Variants in MAP1A observed in about 807,000 individuals in gnomAD.
MAP1A encodes microtubule associated protein 1A.
Under a neutral mutation model 185.9 loss-of-function variants are expected in MAP1A, and 42 were observed. The observed-to-expected ratio is 0.23, with a 90% CI of 0.18 to 0.29. The LOEUF (loss-of-function observed/expected upper bound fraction) is 0.29. MAP1A is among the 10% of genes least tolerant of loss of function. The probability of loss-of-function intolerance (pLI) is 1.00; values close to 1 mark genes in which losing one functional copy is unlikely to be tolerated. For missense variants in MAP1A, 2,995 were observed against 3,450.4 expected, an observed-to-expected ratio of 0.87 and a Z score of 3.31; for synonymous variants, 1,229 against 1,335.9, an observed-to-expected ratio of 0.92 and a Z score of 1.74.
rs2079319694 is a variant in MAP1A at position 43,521,662 on chromosome 15, T to C, written c.189T>C (p.Asp63=). ...FAVNGFNILV[D]GGSDRKSCFW... is the part of the protein sequence containing the mutation. ...TCAATGGTTTCAACATCCTGGTGGA[T>C]GGTGGCTCTGATCGCAAGTCCTGTT... Residue 63 remains aspartate (D), a synonymous_variant, in exon 4 of 6, where the codon GAT becomes GAC. Coordinates refer to ENST00000300231, the MANE Select transcript of MAP1A (RefSeq NM_002373.6). This position sits in a 1 kb window ranked among gnomAD's most constrained non-coding sequence, Gnocchi z 4.6. 1.9e-6 allele frequency: 3 copies of C among 1,614,020 alleles called. No homozygotes were observed. Among genetic ancestry groups the C allele is most frequent in the African/African-American group, 1.3e-5 (1 of 74,930 alleles).
chr15:43,525,254 G>C lies in MAP1A; in HGVS notation c.3781G>C (p.Ala1261Pro), dbSNP rs778293924. ...APMSVPEPHA[A>P]TASPPTDGTT... The stretch of plus-strand genomic sequence containing the variant: ...CATGTCTGTTCCAGAGCCCCATGCA[G>C]CCACAGCGTCACCTCCCACAGATGG... The change falls in exon 4 of 6, where the codon GCC becomes CCC. Residue 1261 changes from alanine (A) to proline (P), a missense_variant. Coordinates refer to ENST00000300231, the MANE Select transcript of MAP1A (RefSeq NM_002373.6). The C allele has an allele frequency of 6.2e-7, 1 of 1,614,158 alleles. No homozygotes were observed. The highest frequency in any genetic ancestry group is 1.7e-5 in the Admixed American group (1 of 60,014).
upstream of MAP1A, among the ~76,000 whole-genome samples, chr15:43,514,330 C>T (rs2079291256): frequency 6.6e-6 from 1 of 152,228 alleles, no homozygotes; most frequent in African/African-American, 2.4e-5. Context: ...CACAGCCCCA[C>T]CCCTGCTGGC....
chr15:43,517,226 C>T (rs1375277370), upstream of MAP1A, among the ~76,000 whole-genome samples: 2 of 152,138 alleles, frequency 1.3e-5, no homozygotes, highest in Admixed American at 1.3e-4. Flanking sequence ...CTGAAGGTCA[C>T]TCCCTGGATC....
Position 43,530,942 on chromosome 15 carries a change from A to G in MAP1A, c.*718A>G, listed in dbSNP as rs1374883364. The G allele has an allele frequency of 6.5e-6, 1 of 152,718 alleles. No individual in the cohort carries two copies. The allele number at this position is 152,718 out of a possible 1,614,324, so 9.5% of individuals were successfully genotyped here. On this transcript the variant is annotated 3_prime_UTR_variant, in exon 6 of 6. Coordinates refer to ENST00000300231, the MANE Select transcript of MAP1A (RefSeq NM_002373.6). ...CCAGACAGCACAAAACGGCAAGGAG[A>G]GCCCAAGCCCCAATGCCAGAATTCT...
rs1476191877 is a variant in MAP1A at position 43,517,709 on chromosome 15, C to G, written c.-375+9C>G. Reference sequence around the variant, plus strand: ...TCCTCCTACACCCCAGGGTAAGAACCGAACCAAAGGGCTTGGCATGTGGGG... The same window carrying G: ...TCCTCCTACACCCCAGGGTAAGAACGGAACCAAAGGGCTTGGCATGTGGGG... On this transcript the variant is annotated intron_variant, in intron 1 of 5. Transcript: ENST00000300231. The G allele has an allele frequency of 5.8e-5, 56 of 973,186 alleles. No homozygotes were observed. The highest frequency in any genetic ancestry group is 6.3e-5 in the Non-Finnish European group (52 of 819,058). 60.3% of individuals were successfully genotyped at this position (973,186 alleles called of 1,614,324 possible). A position where few individuals can be genotyped will look rare whatever the true frequency, so the allele number is the denominator to read the frequency against.
chr15:43,522,720 AAGAC>A lies in MAP1A; in HGVS notation c.1249_1252del (p.Asp417ArgfsTer47), dbSNP rs747588869. 1 of 1,593,466 alleles carries A rather than the reference AAGAC, an allele frequency of 6.3e-7. No individual in the cohort carries two copies. Among genetic ancestry groups the A allele is most frequent in the Non-Finnish European group, 8.6e-7 (1 of 1,168,522 alleles). On this transcript the variant is annotated frameshift_variant, in exon 4 of 6. Coordinates refer to ENST00000300231, the MANE Select transcript of MAP1A (RefSeq NM_002373.6). LOFTEE classifies it high-confidence loss of function. This position sits in a 1 kb window ranked among gnomAD's most constrained non-coding sequence, Gnocchi z 5.9. Reference sequence around the variant, plus strand: ...AAGATATCAAAGCTGGAAGAAAAAAAAGACAAGGAGAAAAAAGAGATCAAAAAGG... The same window carrying A: ...AAGATATCAAAGCTGGAAGAAAAAAAAAGGAGAAAAAAGAGATCAAAAAGG...
chr15:43,526,857 T>C lies in MAP1A; in HGVS notation c.5384T>C (p.Ile1795Thr). The change falls in exon 4 of 6, where the codon ATC becomes ACC. Residue 1795 changes from isoleucine to threonine, a missense_variant. Ile to Thr is a moderately conservative substitution (Grantham distance 89). Around this residue, in one of 3 missense-constraint regions of MAP1A, gnomAD observed 2,728 missense variants for 2,986.0 expected, o/e 0.91. Coordinates refer to ENST00000300231, the MANE Select transcript of MAP1A (RefSeq NM_002373.6). The surrounding 1 kb of genome is among the most constrained non-coding windows in gnomAD (Gnocchi z 4.7). Reference sequence around the variant, plus strand: ...AAACTGACCCGCTCTCCCTTTGAGATCATCTCCCCTCCAGCTTCCCCACCT... The same window carrying C: ...AAACTGACCCGCTCTCCCTTTGAGACCATCTCCCCTCCAGCTTCCCCACCT... Reference protein sequence around the residue: ...EDKLTRSPFEIISPPASPPEM... With the variant: ...EDKLTRSPFETISPPASPPEM... 6.2e-7 allele frequency: 1 copy of C among 1,614,054 alleles called. No individual in the cohort carries two copies. Among genetic ancestry groups the C allele is most frequent in the South Asian group, 1.1e-5 (1 of 91,076 alleles).
chr15:43,524,397 C>G lies in MAP1A; in HGVS notation c.2924C>G (p.Pro975Arg). The change falls in exon 4 of 6, where the codon CCA becomes CGA. Residue 975 changes from proline (P) to arginine (R), a missense_variant. By Grantham distance (103) the Pro-to-Arg change is moderately radical (BLOSUM62 -2). Around this residue, in one of 3 missense-constraint regions of MAP1A, gnomAD observed 2,728 missense variants for 2,986.0 expected, o/e 0.91. Coordinates refer to ENST00000300231, the MANE Select transcript of MAP1A (RefSeq NM_002373.6). ...GGGCATGCCCTACATCCAGGAGAAC[C>G]AGCCCTTGGAGAAGCAGAGGAGCGG... ...APGHALHPGEPALGEAEERCL... is the reference protein window; with the variant it reads ...APGHALHPGERALGEAEERCL... 1 of 1,614,182 alleles carries G rather than the reference C, an allele frequency of 6.2e-7. No individual in the cohort carries two copies. The highest frequency in any genetic ancestry group is 8.5e-7 in the Non-Finnish European group (1 of 1,180,024).
Position 43,525,202 on chromosome 15 carries a change from C to T in MAP1A, c.3729C>T (p.Ala1243=), listed in dbSNP as rs373314593. ...GKEEMGHLMQ[A]EDTSHHTAPM... ...AAGAAATGGGGCATCTGATGCAGGCCGAGGATACCTCTCACCACACAGCTC... is the reference window on the plus strand; with the variant it reads ...AAGAAATGGGGCATCTGATGCAGGCTGAGGATACCTCTCACCACACAGCTC... Residue 1243 remains alanine (A), a synonymous_variant, in exon 4 of 6, where the codon GCC becomes GCT. Transcript: ENST00000300231. The T allele has an allele frequency of 1.1e-5, 17 of 1,613,976 alleles. No homozygotes were observed. The African/African-American group carries it at 1.2e-4, about 11-fold the overall frequency.
In MAP1A at chr15:43,525,409, T is replaced by C; in HGVS notation, c.3936T>C (p.Pro1312=). The C allele has an allele frequency of 6.2e-7, 1 of 1,614,174 alleles. No homozygotes were observed. The highest frequency in any genetic ancestry group is 8.5e-7 in the Non-Finnish European group (1 of 1,180,048). ...GKYLPGAITS[P]DEHILTPDSS... ...ACTTACCTGGGGCGATCACAAGCCC[T>C]GATGAACACATTCTGACACCTGATA... The change falls in exon 4 of 6, where the codon CCT becomes CCC. Residue 1312 remains proline (P), a synonymous_variant. Coordinates refer to ENST00000300231, the MANE Select transcript of MAP1A (RefSeq NM_002373.6).
chr15:43,528,030 C>G lies in MAP1A; in HGVS notation c.6557C>G (p.Pro2186Arg). 7 of 1,614,032 alleles carry G rather than the reference C, an allele frequency of 4.3e-6. No homozygotes were observed. Among genetic ancestry groups the G allele is most frequent in the Non-Finnish European group, 5.9e-6 (7 of 1,180,024 alleles). The change falls in exon 4 of 6, where the codon CCC becomes CGC. Residue 2186 changes from proline to arginine, a missense_variant. Coordinates refer to ENST00000300231, the MANE Select transcript of MAP1A (RefSeq NM_002373.6). ...CCACAGCTGCCCTCTCCAGCTGAACCCCGCTCGGCACCCTGTGGCTCCCTT... is the reference window on the plus strand; with the variant it reads ...CCACAGCTGCCCTCTCCAGCTGAACGCCGCTCGGCACCCTGTGGCTCCCTT... ...APPQLPSPAE[P>R]RSAPCGSLAF... is the part of the protein sequence containing the mutation.
At position 43,520,997 on chromosome 15, in the gene MAP1A, C is replaced by T; in HGVS notation, c.-266C>T. 4 of 1,550,160 alleles carry T rather than the reference C, an allele frequency of 2.6e-6. No individual in the cohort carries two copies. The highest frequency in any genetic ancestry group is 3.5e-6 in the Non-Finnish European group (4 of 1,146,670). ...GTTCATCATCTTCTTAGCAGCTCAT[C>T]AGCTTATAAACTACTAATCTTGAGT... is the stretch of plus-strand genomic sequence containing the variant. On this transcript the variant is annotated 5_prime_UTR_variant, in exon 3 of 6. Transcript: ENST00000300231.
chr15:43,517,641 A>C lies in MAP1A; in HGVS notation c.-434A>C. ...CCTAAGTGCTGCAGACTCTTCCCTG[A>C]AGCTGCCGGCTGAGGCCGGAGCTGC... is the stretch of plus-strand genomic sequence containing the variant. On this transcript the variant is annotated 5_prime_UTR_variant, in exon 1 of 6. Coordinates refer to ENST00000300231, the MANE Select transcript of MAP1A (RefSeq NM_002373.6). 2 of 959,834 alleles carry C rather than the reference A, an allele frequency of 2.1e-6. No homozygotes were observed. Among genetic ancestry groups the C allele is most frequent in the Non-Finnish European group, 2.4e-6 (2 of 824,782 alleles). The allele number at this position is 959,834 out of a possible 1,614,324, so 59.5% of individuals were successfully genotyped here.
In MAP1A at chr15:43,522,394, C is replaced by T. The variant is rs780417652; in HGVS notation, c.921C>T (p.Asn307=). ...KDLASGAVPT[N]LKPSKIKQRA... ...TGGCTTCTGGGGCTGTGCCTACCAACCTCAAGCCCAGCAAAATCAAACAGC... is the reference window on the plus strand; with the variant it reads ...TGGCTTCTGGGGCTGTGCCTACCAATCTCAAGCCCAGCAAAATCAAACAGC... Residue 307 remains asparagine, a synonymous_variant, in exon 4 of 6, where the codon AAC becomes AAT. Coordinates refer to ENST00000300231, the MANE Select transcript of MAP1A (RefSeq NM_002373.6). This position sits in a 1 kb window ranked among gnomAD's most constrained non-coding sequence, Gnocchi z 5.9. The T allele has an allele frequency of 1.9e-6, 3 of 1,614,054 alleles. No homozygotes were observed. The highest frequency in any genetic ancestry group is 1.3e-5 in the African/African-American group (1 of 74,920).
chr15:43,527,655 C>T lies in MAP1A; in HGVS notation c.6182C>T (p.Ala2061Val), dbSNP rs200729924. 309 of 1,613,692 alleles carry T rather than the reference C, an allele frequency of 1.9e-4. 1 individual carries two copies. The highest frequency in any genetic ancestry group is 1.3e-3 in the Middle Eastern group (8 of 6,060). The change falls in exon 4 of 6, where the codon GCA becomes GTA. Residue 2061 changes from alanine to valine, a missense_variant. Ala to Val is a moderately conservative substitution (Grantham distance 64). This residue lies in a region of MAP1A where 2,728 missense variants were observed against 2,986.0 expected (regional missense o/e 0.91). Transcript: ENST00000300231. The part of the protein sequence containing the change: ...PSMEPSLTPP[A>V]VPPRAPILSK... ...ATGGAGCCCAGCCTCACCCCACCTGCAGTTCCCCCCCGTGCTCCTATCCTG... is the reference window on the plus strand; with the variant it reads ...ATGGAGCCCAGCCTCACCCCACCTGTAGTTCCCCCCCGTGCTCCTATCCTG...
rs1296461294 is a variant in MAP1A, at chr15:43,526,825, A to G, written c.5352A>G (p.Glu1784=). The change falls in exon 4 of 6, where the codon GAA becomes GAG. Residue 1784 remains glutamate, a synonymous_variant. Coordinates refer to ENST00000300231, the MANE Select transcript of MAP1A (RefSeq NM_002373.6). This position sits in a 1 kb window ranked among gnomAD's most constrained non-coding sequence, Gnocchi z 4.7. ...AESPVGLPPE[E]EDKLTRSPFE... ...CACCAGTTGGGTTGCCACCAGAGGA[A>G]GAGGACAAACTGACCCGCTCTCCCT... 1 of 1,614,102 alleles carries G rather than the reference A, an allele frequency of 6.2e-7. No individual in the cohort carries two copies. The highest frequency in any genetic ancestry group is 1.7e-5 in the Admixed American group (1 of 60,022).
chr15:43,528,710 G>A lies in MAP1A; in HGVS notation c.7237G>A (p.Val2413Met), dbSNP rs774065880. 16 of 1,613,684 alleles carry A rather than the reference G, an allele frequency of 9.9e-6. No individual in the cohort carries two copies. Among genetic ancestry groups the A allele is most frequent in the Non-Finnish European group, 9.3e-6 (11 of 1,179,962 alleles). Residue 2413 changes from valine to methionine, a missense_variant, in exon 4 of 6, where the codon GTG becomes ATG. Physicochemically the swap from Val to Met is conservative, Grantham distance 21. This residue lies in a region of MAP1A where 2,728 missense variants were observed against 2,986.0 expected (regional missense o/e 0.91). Transcript: ENST00000300231. Reference sequence around the variant, plus strand: ...CACATTGCTCTCCCCTGAGCAGCCAGTGTGTCCTGCAGGGGGCTCCGGGGG... The same window carrying A: ...CACATTGCTCTCCCCTGAGCAGCCAATGTGTCCTGCAGGGGGCTCCGGGGG... ...PDTLLSPEQP[V>M]CPAGGSGGPP... is the part of the protein sequence containing the mutation.
In MAP1A at chr15:43,527,447, G is replaced by A. The variant is rs748380105; in HGVS notation, c.5974G>A (p.Ala1992Thr). The A allele has an allele frequency of 9.9e-6, 16 of 1,614,064 alleles. No homozygotes were observed. In the South Asian group the frequency reaches 1.6e-4, roughly 17 times the overall value. Residue 1992 changes from alanine (A) to threonine (T), a missense_variant, in exon 4 of 6, where the codon GCA (alanine) becomes ACA (threonine). This residue lies in a region of MAP1A where 2,728 missense variants were observed against 2,986.0 expected (regional missense o/e 0.91). Transcript: ENST00000300231. ...CCCCACTAGAGAGCCTCCACTTGGA[G>A]CAGCTGGGGATTGGCCCCCATGCCT... Reference protein sequence around the residue: ...ACPTREPPLGAAGDWPPCLST... With the variant: ...ACPTREPPLGTAGDWPPCLST...
Position 43,517,668 on chromosome 15 carries a change from G to C in MAP1A, c.-407G>C. On this transcript the variant is annotated 5_prime_UTR_variant, in exon 1 of 6. Transcript: ENST00000300231. ...GCTGCCGGCTGAGGCCGGAGCTGCC[G>C]CCTCCATGAGAGGCTTCCTCCTACA... is the stretch of plus-strand genomic sequence containing the variant. The C allele has an allele frequency of 1.0e-6, 1 of 977,460 alleles. No homozygotes were observed. 60.5% of individuals were successfully genotyped at this position (977,460 alleles called of 1,614,324 possible). A position where few individuals can be genotyped will look rare whatever the true frequency, so the allele number is the denominator to read the frequency against.
Sources: allele counts gnomAD v4.1 joint callset (sites outside exome capture counted in the v4.1 genomes callset), GRCh38; gene constraint gnomAD v4.1.1; regional missense constraint gnomAD v4.1.1; non-coding constraint Gnocchi (gnomAD v3.1); transcripts MANE v1.5; gene names NCBI Gene and HGNC (gene_info 2026-07-23, HGNC 2026-07-21).